The following CATSPER1 variants were observed in gnomAD, a reference collection of about 807,000 sequenced individuals.
CATSPER1 encodes the protein cation channel sperm associated 1.
In CATSPER1, 57 loss-of-function variants were observed where a neutral mutation model predicts 72.7. The ratio of observed to expected loss-of-function variants is 0.78; its 90% confidence interval spans 0.63 to 0.98. The LOEUF is 0.98. CATSPER1 is among the 50% of genes least tolerant of loss of function. CATSPER1 has a pLI of 0.00. For synonymous variants in CATSPER1, 363 were observed against 403.0 expected (o/e 0.90, Z 1.19); for missense variants, 910 against 1,033.9 (o/e 0.88, Z 1.64).
At chr11:66,024,774 C>T (rs1311883271) in intron 1 of CATSPER1, among the ~76,000 whole-genome samples, 1 of 152,106 alleles carries the variant, frequency 6.6e-6, no homozygotes, top group Non-Finnish European at 1.5e-5. Flanking sequence ...GAGGGCAGGC[C>T]CCGAGCACAG....
At chr11:66,023,121 A>AC (rs1230379750) in intron 1 of CATSPER1, 60 bp from the exon 2 acceptor site, 10 of 1,484,190 alleles carry the variant, frequency 6.7e-6, no homozygotes, top group African/African-American at 2.8e-5. Flanking sequence ...GGTCCCAGGC[A>AC]CCCCCCAGCC....
chr11:66,023,100 AG>A, intron 1 of CATSPER1, 39 bp from the exon 2 acceptor site: 1 of 1,569,752 alleles, frequency 6.4e-7, no homozygotes, highest in Non-Finnish European at 8.8e-7. Flanking sequence ...TGTGTGCAAG[AG>A]GGGACACGAG....
In CATSPER1 at chr11:66,026,314, G is replaced by T. The variant is rs759530121; in HGVS notation, c.66C>A (p.Phe22Leu). The T allele has an allele frequency of 1.9e-6, 3 of 1,614,230 alleles. No homozygotes were observed. The highest frequency in any genetic ancestry group is 2.2e-5 in the South Asian group (2 of 91,092). The change falls in exon 1 of 12, where the codon TTC becomes TTA. Residue 22 changes from phenylalanine to leucine, a missense_variant. By Grantham distance (22) the Phe-to-Leu change is conservative (BLOSUM62 0). Transcript: ENST00000312106. ...NEADTNNADR[F>L]FRSHSSPPHH... ...GTGGGGGTGATGAGTGAGAGCGAAAGAACCTATCTGCGTTATTGGTGTCTG... is the reference window on the plus strand; with the variant it reads ...GTGGGGGTGATGAGTGAGAGCGAAATAACCTATCTGCGTTATTGGTGTCTG...
chr11:66,019,231 C>A (rs558998929), intron 9 of CATSPER1, among the ~76,000 whole-genome samples: 28 of 152,224 alleles, frequency 1.8e-4, no homozygotes, highest in Admixed American at 1.6e-3. Context: ...AGCCCCACCC[C>A]CCAGCTTCAA....
At position 66,017,193 on chromosome 11, in the gene CATSPER1, G is replaced by GGGGGGGGGGGGGGGGCCGC; in HGVS notation, c.2202-20_2202-19insGCGGCCCCCCCCCCCCCCC. On this transcript the variant is annotated intron_variant, in intron 10 of 11. Coordinates refer to ENST00000312106, the MANE Select transcript of CATSPER1 (RefSeq NM_053054.4). ...CTGCTGCCTGCGGGTGGGCGGGGGG[G>GGGGGGGGGGGGGGGGCCGC]TCGCAGAGACAGGGGCTGGGCTGAC... 1 of 493,814 alleles carries GGGGGGGGGGGGGGGGCCGC rather than the reference G, an allele frequency of 2.0e-6. No homozygotes were observed. The highest frequency in any genetic ancestry group is 4.0e-6 in the Non-Finnish European group (1 of 252,620). The allele number at this position is 493,814 out of a possible 1,614,324, so 30.6% of individuals were successfully genotyped here.
rs746867593 is a variant in CATSPER1 at position 66,018,873 on chromosome 11, T to A, written c.2155A>T (p.Met719Leu). The change falls in exon 10 of 12, where the codon ATG becomes TTG. Residue 719 changes from methionine (M) to leucine (L), a missense_variant. Met to Leu is a conservative substitution (Grantham distance 15). Coordinates refer to ENST00000312106, the MANE Select transcript of CATSPER1 (RefSeq NM_053054.4). ...EPKEVASEGTMLKRLIEKKFG... is the reference protein window; with the variant it reads ...EPKEVASEGTLLKRLIEKKFG... ...TTTTTCTCGATGAGCCGCTTCAGCA[T>A]GGTGCCTTCACTCGCCACCTCTTTG... 6.2e-7 allele frequency: 1 copy of A among 1,614,008 alleles called. No individual in the cohort carries two copies. Among genetic ancestry groups the A allele is most frequent in the South Asian group, 1.1e-5 (1 of 91,076 alleles).
chr11:66,024,723 G>A lies in CATSPER1; in HGVS notation c.1216+441C>T, dbSNP rs866074433. 9.4e-4 allele frequency among the ~76,000 whole-genome samples: 143 copies of A among 152,302 alleles called. 1 individual carries two copies. Among genetic ancestry groups the A allele is most frequent in the South Asian group, 2.5e-3 (12 of 4,832 alleles). On this transcript the variant is annotated intron_variant, in intron 1 of 11. Transcript: ENST00000312106. ...TCTCAAGCAGCTCACAGGTGAGTGG[G>A]AGAAATCTGGACAGATAGAATCCAC...
chr11:66,025,657 A>G lies in CATSPER1; in HGVS notation c.723T>C (p.Pro241=), dbSNP rs1377475490. 6.2e-7 allele frequency: 1 copy of G among 1,613,332 alleles called. No homozygotes were observed. Among genetic ancestry groups the G allele is most frequent in the African/African-American group, 1.3e-5 (1 of 74,802 alleles). The change falls in exon 1 of 12, where the codon CCT becomes CCC. Residue 241 remains proline, a synonymous_variant. Coordinates refer to ENST00000312106, the MANE Select transcript of CATSPER1 (RefSeq NM_053054.4). ...HHEAHQHGKS[P]HHGETISPHS... is the part of the protein sequence containing the mutation. Reference sequence around the variant, plus strand: ...GAGGGGAAATGGTCTCTCCGTGATGAGGAGACTTTCCATGCTGGTGGGCTT... The same window carrying G: ...GAGGGGAAATGGTCTCTCCGTGATGGGGAGACTTTCCATGCTGGTGGGCTT...
intron 1 of CATSPER1, 70 bp downstream of exon 1, chr11:66,025,094 G>A: frequency 6.3e-7 from 1 of 1,598,906 alleles, no homozygotes; most frequent in Non-Finnish European, 8.6e-7. Flanking sequence ...GGACAGTGCG[G>A]GGCCGAGATC....
At position 66,017,192 on chromosome 11, in the gene CATSPER1, G is replaced by C. The variant is rs150841034; in HGVS notation, c.2202-18C>G. On this transcript the variant is annotated intron_variant, in intron 10 of 11. Coordinates refer to ENST00000312106, the MANE Select transcript of CATSPER1 (RefSeq NM_053054.4). ...CCTGCTGCCTGCGGGTGGGCGGGGG[G>C]GTCGCAGAGACAGGGGCTGGGCTGA... is the stretch of plus-strand genomic sequence containing the variant. The C allele has an allele frequency of 1.2e-5, 6 of 518,412 alleles. No individual in the cohort carries two copies. The highest frequency in any genetic ancestry group is 6.0e-4 in the Middle Eastern group (1 of 1,658). The allele number at this position is 518,412 out of a possible 1,614,324, so 32.1% of individuals were successfully genotyped here. A position where few individuals can be genotyped will look rare whatever the true frequency, so the allele number is the denominator to read the frequency against.
At chr11:66,022,794 G>A in intron 2 of CATSPER1, 55 bp downstream of exon 2, 1 of 1,572,478 alleles carries the variant, frequency 6.4e-7, no homozygotes, top group Non-Finnish European at 8.7e-7. Context: ...GCCCACGGAG[G>A]TCCTGGAAGA....
rs189949650 is a variant in CATSPER1, at chr11:66,019,316, G to A, written c.2126-414C>T. ...TTTTGAGACGGAATCTCACTCTGCCGCCCAGGCTGGAGTGCAGTGGCACAA... is the reference window on the plus strand; with the variant it reads ...TTTTGAGACGGAATCTCACTCTGCCACCCAGGCTGGAGTGCAGTGGCACAA... On this transcript the variant is annotated intron_variant, in intron 9 of 11. Coordinates refer to ENST00000312106, the MANE Select transcript of CATSPER1 (RefSeq NM_053054.4). 2.8e-4 allele frequency among the ~76,000 whole-genome samples: 42 copies of A among 149,656 alleles called. No homozygotes were observed. In the East Asian group the frequency reaches 3.7e-3, roughly 13 times the overall value.
At chr11:66,023,230 C>A (rs1403202825) in intron 1 of CATSPER1, among the ~76,000 whole-genome samples, 169 bp from the exon 2 acceptor site, 3 of 152,238 alleles carry the variant, frequency 2.0e-5, no homozygotes, top group Non-Finnish European at 4.4e-5. Flanking sequence ...GCTGGGACTG[C>A]AGGTGCCTGC....
intron 1 of CATSPER1, among the ~76,000 whole-genome samples, chr11:66,023,314 T>C (rs1010568075): frequency 3.3e-5 from 5 of 150,030 alleles, no homozygotes; most frequent in Middle Eastern, 3.2e-3. Flanking sequence ...GGTCTCGAAC[T>C]CCTGGCCTCC....
In CATSPER1 at chr11:66,021,757, C is replaced by T. The variant is rs747388246; in HGVS notation, c.1543+9G>A. 1.2e-5 allele frequency: 20 copies of T among 1,613,378 alleles called. No individual in the cohort carries two copies. Among genetic ancestry groups the T allele is most frequent in the African/African-American group, 5.3e-5 (4 of 74,912 alleles). On this transcript the variant is annotated intron_variant, in intron 3 of 11. Coordinates refer to ENST00000312106, the MANE Select transcript of CATSPER1 (RefSeq NM_053054.4). ...TAAACACACGCAGCCTGGCCCCGGC[C>T]GCACCCACCCAAATTGTTCCAGAAG...
intron 2 of CATSPER1, 67 bp from the exon 3 acceptor site, chr11:66,021,946 T>G (rs1269280921): frequency 6.5e-6 from 8 of 1,229,412 alleles, no homozygotes; most frequent in Middle Eastern, 5.0e-4. Flanking sequence ...TCCTCAGCAT[T>G]AGCCTCACAC....
intron 9 of CATSPER1, among the ~76,000 whole-genome samples, chr11:66,019,789 T>C (rs1435928941): frequency 2.0e-5 from 3 of 151,804 alleles, no homozygotes; most frequent in African/African-American, 7.3e-5. Context: ...TGCTGGCGCA[T>C]GCCTGCAGTC....
chr11:66,019,053 C>T, intron 9 of CATSPER1, 151 bp from the exon 10 acceptor site: 1 of 702,332 alleles, frequency 1.4e-6, no homozygotes. Flanking sequence ...GATGCAGTTC[C>T]CTTTGTTTGC....
chr11:66,023,159 C>G, intron 1 of CATSPER1, 98 bp from the exon 2 acceptor site: 1 of 1,176,184 alleles, frequency 8.5e-7, no homozygotes, highest in South Asian at 1.2e-5. Context: ...TCACTCCTGC[C>G]TGCTTGCTGG....
Sources: allele counts gnomAD v4.1 joint callset (sites outside exome capture counted in the v4.1 genomes callset), GRCh38; gene constraint gnomAD v4.1.1; transcripts MANE v1.5; gene names NCBI Gene and HGNC (gene_info 2026-07-23, HGNC 2026-07-21).